The following BCO2 variants were observed in gnomAD, a reference collection of about 807,000 sequenced individuals.
BCO2 encodes the protein carotenoid-cleaving dioxygenase, mitochondrial.
In BCO2, 56 loss-of-function variants were observed where a neutral mutation model predicts 65.8. That is an observed-to-expected ratio of 0.85 (90% CI 0.69 to 1.06). BCO2 has a LOEUF of 1.06. BCO2 is among the 50% of genes least tolerant of loss of function. The pLI, the probability that BCO2 is intolerant of heterozygous loss-of-function variation, is 0.00. For missense variants in BCO2, 675 were observed against 698.5 expected, an observed-to-expected ratio of 0.97 and a Z score of 0.38; for synonymous variants, 233 against 242.3, an observed-to-expected ratio of 0.96 and a Z score of 0.36.
In BCO2 at chr11:112,193,585, T is replaced by C. The variant is rs759225181; in HGVS notation, c.405T>C (p.Ser135=). The change falls in exon 3 of 12, where the codon AGT becomes AGC. Residue 135 remains serine, a synonymous_variant. Coordinates refer to ENST00000357685, the MANE Select transcript of BCO2 (RefSeq NM_031938.7). The stretch of plus-strand genomic sequence containing the variant: ...AGAGTGATACATATAAGGCCAACAG[T>C]GCTAAAAACCGAATTGTGATCTCAG... ...FLQSDTYKAN[S]AKNRIVISEF... 8.1e-6 allele frequency: 13 copies of C among 1,614,152 alleles called. No homozygotes were observed. The highest frequency in any genetic ancestry group is 1.7e-5 in the Admixed American group (1 of 60,014).
chr11:112,188,476 C>T (rs188438506), intron 2 of BCO2, among the ~76,000 whole-genome samples: 67 of 152,242 alleles, frequency 4.4e-4, no homozygotes, highest in Non-Finnish European at 6.9e-4. Flanking sequence ...TTCACACTTT[C>T]CTGTTGAAGG....
chr11:112,208,566 A>C (rs1054456692), intron 8 of BCO2: 2 of 188,344 alleles, frequency 1.1e-5, no homozygotes, highest in Non-Finnish European at 2.2e-5. Flanking sequence ...AGATTAAAAA[A>C]ATATAATAGA....
chr11:112,196,447 T>G (rs1454851579), intron 5 of BCO2, among the ~76,000 whole-genome samples: 1 of 152,218 alleles, frequency 6.6e-6, no homozygotes, highest in Non-Finnish European at 1.5e-5. Context: ...TGGTTTTAGC[T>G]TTTCTAGATA....
At chr11:112,216,438 C>T (rs1490108984) in intron 11 of BCO2, 108 bp downstream of exon 11, 3 of 730,414 alleles carry the variant, frequency 4.1e-6, no homozygotes, top group Non-Finnish European at 7.0e-6. Flanking sequence ...TTCCTTTTCC[C>T]TTCTCTTCCC....
chr11:112,211,948 T>A (rs1315037676), intron 8 of BCO2, among the ~76,000 whole-genome samples: 1 of 152,230 alleles, frequency 6.6e-6, no homozygotes, highest in Non-Finnish European at 1.5e-5. Flanking sequence ...AAGCGTCTTT[T>A]GGGTTAGCTA....
rs1859677554 is a variant in BCO2 at position 112,216,326 on chromosome 11, A to G, written c.1622A>G (p.Asn541Ser). The change falls in exon 11 of 12, where the codon AAC becomes AGC. Residue 541 changes from asparagine (N) to serine (S), a missense_variant. Coordinates refer to ENST00000357685, the MANE Select transcript of BCO2 (RefSeq NM_031938.7). ...GVILSVVITPNQNESNFILVL... is the reference protein window; with the variant it reads ...GVILSVVITPSQNESNFILVL... ...ATTCTTTCTGTGGTGATCACTCCCA[A>G]CCAGGTAAATATATTTCCCTATCAC... 5 of 1,611,436 alleles carry G rather than the reference A, an allele frequency of 3.1e-6. No individual in the cohort carries two copies. Among genetic ancestry groups the G allele is most frequent in the East Asian group, 4.5e-5 (2 of 44,860 alleles).
intron 10 of BCO2, 137 bp from the exon 11 acceptor site, chr11:112,216,083 C>G: frequency 1.5e-6 from 1 of 652,426 alleles, no homozygotes. Flanking sequence ...CTGGGCTCAG[C>G]ACTCCAGCAT....
chr11:112,190,093 C>T (rs1278501562), intron 2 of BCO2, among the ~76,000 whole-genome samples: 1 of 151,622 alleles, frequency 6.6e-6, no homozygotes, highest in Admixed American at 6.6e-5. Context: ...TGAGATTAGC[C>T]TGGGCAACAT....
chr11:112,203,004 C>T (rs1031602183), intron 8 of BCO2, among the ~76,000 whole-genome samples: 53 of 149,482 alleles, frequency 3.5e-4, no homozygotes, highest in African/African-American at 1.1e-3. Context: ...GAACCAAGAT[C>T]GCACCACTGC....
chr11:112,179,708 G>A (rs1009286082), intron 2 of BCO2: 12 of 522,426 alleles, frequency 2.3e-5, no homozygotes, highest in Non-Finnish European at 4.1e-5. Flanking sequence ...TCTGTGGTTT[G>A]TACCAAAAGA....
intron 8 of BCO2, among the ~76,000 whole-genome samples, chr11:112,207,694 C>T (rs1859385063): frequency 6.6e-6 from 1 of 152,174 alleles, no homozygotes; most frequent in Non-Finnish European, 1.5e-5. Context: ...AAAATATGGT[C>T]ACATTTTAAT....
chr11:112,206,791 A>G (rs1006850847), intron 8 of BCO2, among the ~76,000 whole-genome samples: 2 of 152,228 alleles, frequency 1.3e-5, no homozygotes, highest in Non-Finnish European at 2.9e-5. Flanking sequence ...ACTGTAGATC[A>G]ATTTGGAGAC....
At chr11:112,214,287 C>T (rs1019794908) in intron 9 of BCO2, among the ~76,000 whole-genome samples, 1 of 152,160 alleles carries the variant, frequency 6.6e-6, no homozygotes, top group African/African-American at 2.4e-5. Flanking sequence ...GCTGGGACTA[C>T]AGGCACCTGT....
chr11:112,215,968 C>T (rs1859665229), intron 10 of BCO2: 1 of 415,228 alleles, frequency 2.4e-6, no homozygotes, highest in East Asian at 4.0e-5. Flanking sequence ...CTCAGACGAA[C>T]TAATAGAGCG....
In BCO2 at chr11:112,175,704, C is replaced by T. The variant is rs758469836; in HGVS notation, c.88+15C>T. On this transcript the variant is annotated intron_variant, in intron 1 of 11. Transcript: ENST00000357685. Reference sequence around the variant, plus strand: ...CCGGCTCCCAGGTAGAGGGTTTGCCCCTTTCTCTTCCTCATCCTCCTCTTC... The same window carrying T: ...CCGGCTCCCAGGTAGAGGGTTTGCCTCTTTCTCTTCCTCATCCTCCTCTTC... 6.3e-7 allele frequency: 1 copy of T among 1,593,656 alleles called. No individual in the cohort carries two copies. Among genetic ancestry groups the T allele is most frequent in the East Asian group, 2.2e-5 (1 of 44,786 alleles).
rs1182447876 is a variant in BCO2 at position 112,193,562 on chromosome 11, A to G, written c.382A>G (p.Ser128Gly). The G allele has an allele frequency of 1.2e-6, 2 of 1,614,164 alleles. No individual in the cohort carries two copies. The highest frequency in any genetic ancestry group is 1.7e-6 in the Non-Finnish European group (2 of 1,180,012). Residue 128 changes from serine (S) to glycine (G), a missense_variant, in exon 3 of 12, where the codon AGT (serine) becomes GGT (glycine). Physicochemically the swap from Ser to Gly is moderately conservative, Grantham distance 56 (BLOSUM62 0). Coordinates refer to ENST00000357685, the MANE Select transcript of BCO2 (RefSeq NM_031938.7). ...TVTYRSKFLQ[S>G]DTYKANSAKN... ...GACATACAGGAGCAAGTTTCTACAGAGTGATACATATAAGGCCAACAGTGC... is the reference window on the plus strand; with the variant it reads ...GACATACAGGAGCAAGTTTCTACAGGGTGATACATATAAGGCCAACAGTGC...
chr11:112,177,632 G>T (rs1866919976), intron 1 of BCO2, among the ~76,000 whole-genome samples: 1 of 152,168 alleles, frequency 6.6e-6, no homozygotes. Context: ...TGAGTATTCT[G>T]TTCTAAAAGC....
chr11:112,208,496 T>G (rs948292319), intron 8 of BCO2: 2 of 157,772 alleles, frequency 1.3e-5, no homozygotes, highest in African/African-American at 4.8e-5. Context: ...CATCCTTAAC[T>G]TGTTCCCAAT....
intron 8 of BCO2, among the ~76,000 whole-genome samples, chr11:112,213,342 C>T (rs1859567229): frequency 6.6e-6 from 1 of 151,764 alleles, no homozygotes; most frequent in South Asian, 2.1e-4. Context: ...AGGGTTTCTC[C>T]ATGTTGGTCA....
Sources: gnomAD v4.1 joint callset for allele counts (sites outside exome capture counted in the v4.1 genomes callset) on GRCh38, gnomAD v4.1.1 for gene constraint, MANE v1.5 for transcripts, NCBI Gene and HGNC (gene_info 2026-07-23, HGNC 2026-07-21) for gene names.